The following TOPBP1 variants were observed in gnomAD, a reference collection of about 807,000 sequenced individuals.
The protein encoded by TOPBP1 is DNA topoisomerase II binding protein 1.
Under a neutral mutation model 167.7 loss-of-function variants are expected in TOPBP1, and 28 were observed. The ratio of observed to expected loss-of-function variants is 0.17; its 90% CI spans 0.12 to 0.23. TOPBP1 has a LOEUF of 0.23. TOPBP1 is among the 10% of genes least tolerant of loss of function. The pLI, the probability that TOPBP1 is intolerant of heterozygous loss-of-function variation, is 1.00. For synonymous variants in TOPBP1, 598 were observed against 611.4 expected (o/e 0.98, Z 0.32); for missense variants, 1,554 against 1,809.6 (o/e 0.86, Z 2.56).
chr3:133,634,524 A>C (rs1490702334), intron 14 of TOPBP1, among the ~76,000 whole-genome samples: 1 of 152,176 alleles, frequency 6.6e-6, no homozygotes, highest in African/African-American at 2.4e-5. Flanking sequence ...TTAAAAAAAA[A>C]AGATAAAAGA....
intron 6 of TOPBP1, 106 bp from the exon 7 acceptor site, chr3:133,653,630 T>TA (rs1491277179): frequency 6.7e-5 from 14 of 209,884 alleles, no homozygotes; most frequent in East Asian, 3.1e-4. Flanking sequence ...CAGGTTAATA[T>TA]TTTTTTTTTT....
chr3:133,644,218 T>G lies in TOPBP1; in HGVS notation c.1650A>C (p.Glu550Asp). The G allele has an allele frequency of 6.2e-7, 1 of 1,613,916 alleles. No homozygotes were observed. Among genetic ancestry groups the G allele is most frequent in the Non-Finnish European group, 8.5e-7 (1 of 1,179,846 alleles). ...CVPDVSTITE[E>D]GLFSQKSFLV... is the part of the protein sequence containing the mutation. ...GGAAACTCTTTTGGCTAAATAAGCC[T>G]TCTTCAGTAATTGTAGAAACATCAG... The change falls in exon 11 of 28, where the codon GAA (glutamate) becomes GAC (aspartate). Residue 550 changes from glutamate (E) to aspartate (D), a missense_variant. Glu to Asp is a conservative substitution (Grantham distance 45). Around this residue, in one of 3 missense-constraint regions of TOPBP1, gnomAD observed 1,197 missense variants for 1,351.5 expected, o/e 0.89. Transcript: ENST00000260810.
rs755942620 is a variant in TOPBP1, at chr3:133,638,060, G to A, written c.2336C>T (p.Thr779Ile). 9.9e-6 allele frequency: 16 copies of A among 1,613,886 alleles called. No individual in the cohort carries two copies. In the East Asian group the frequency reaches 3.3e-4, roughly 34 times the overall value. Residue 779 changes from threonine (T) to isoleucine (I), a missense_variant, in exon 14 of 28, where the codon ACA becomes ATA. Around this residue, in one of 3 missense-constraint regions of TOPBP1, gnomAD observed 1,197 missense variants for 1,351.5 expected, o/e 0.89. Transcript: ENST00000260810. ...CTGAAAGCGGTTCATATCTAAAGGTGTAACGACGGTTTTTCTGTGAGTTTG... is the reference window on the plus strand; with the variant it reads ...CTGAAAGCGGTTCATATCTAAAGGTATAACGACGGTTTTTCTGTGAGTTTG... The part of the protein sequence containing the change: ...RLQTHRKTVV[T>I]PLDMNRFQSK...
intron 5 of TOPBP1, among the ~76,000 whole-genome samples, chr3:133,656,458 T>C (rs1470775667): frequency 6.6e-6 from 1 of 152,232 alleles, no homozygotes; most frequent in Non-Finnish European, 1.5e-5. Flanking sequence ...CATTTCCTAC[T>C]CTGTAGCTAA....
At chr3:133,643,711 A>G (rs966300759) in intron 11 of TOPBP1, among the ~76,000 whole-genome samples, 1 of 152,120 alleles carries the variant, frequency 6.6e-6, no homozygotes, top group African/African-American at 2.4e-5. Context: ...AAAAAAATCA[A>G]CAGTGAAATT....
intron 16 of TOPBP1, among the ~76,000 whole-genome samples, chr3:133,626,036 A>C (rs923816352): frequency 8.5e-5 from 13 of 152,196 alleles, no homozygotes; most frequent in African/African-American, 3.1e-4. Context: ...ACAGACTGTC[A>C]GTGGTTGTAG....
chr3:133,639,837 A>C (rs1935832740), intron 13 of TOPBP1, 122 bp downstream of exon 13: 1 of 900,546 alleles, frequency 1.1e-6, no homozygotes, highest in Admixed American at 2.5e-5. Context: ...TGAGACCCTC[A>C]CTGCACCCAA....
intron 4 of TOPBP1, among the ~76,000 whole-genome samples, chr3:133,657,496 C>CT (rs11415856): frequency 0.081 from 12,246 of 150,800 alleles, 510 homozygotes; most frequent in Middle Eastern, 0.13. Context: ...ATTTAGAATC[C>CT]TTTTTTTTAA....
In TOPBP1 at chr3:133,623,352, T is replaced by C. The variant is rs1283938847; in HGVS notation, c.3034A>G (p.Ser1012Gly). Residue 1012 changes from serine to glycine, a missense_variant, in exon 18 of 28, where the codon AGT (serine) becomes GGT (glycine). Transcript: ENST00000260810. The stretch of plus-strand genomic sequence containing the variant: ...GAAGACACAGCTGAGAGTAGTCGAC[T>C]ATTACAGAGCCGGCCATCTTGCACT... ...SAVQDGRLCN[S>G]RLLSAVSSTK... is the part of the protein sequence containing the mutation. 6.2e-7 allele frequency: 1 copy of C among 1,613,742 alleles called. No individual in the cohort carries two copies. The highest frequency in any genetic ancestry group is 1.1e-5 in the South Asian group (1 of 91,018).
intron 19 of TOPBP1, 132 bp from the exon 20 acceptor site, chr3:133,620,479 C>A: frequency 1.1e-6 from 1 of 884,154 alleles, no homozygotes; most frequent in Non-Finnish European, 1.7e-6. Flanking sequence ...TAACTACAGG[C>A]TATAGTAATG....
intron 16 of TOPBP1, among the ~76,000 whole-genome samples, chr3:133,624,412 A>C (rs576418794): frequency 5.9e-4 from 90 of 152,302 alleles, no homozygotes; most frequent in Admixed American, 1.8e-3. Flanking sequence ...GTAGTGTGCT[A>C]TGATCACCCC....
chr3:133,648,666 G>A (rs146348152), intron 10 of TOPBP1, among the ~76,000 whole-genome samples: 9,191 of 152,098 alleles, frequency 0.06, 307 homozygotes, highest in Middle Eastern at 0.13. Flanking sequence ...GGGTGGTGGC[G>A]CATGCCTGTA....
intron 16 of TOPBP1, among the ~76,000 whole-genome samples, chr3:133,625,051 C>T (rs1935221883): frequency 6.6e-6 from 1 of 152,182 alleles, no homozygotes; most frequent in Non-Finnish European, 1.5e-5. Context: ...ACTGCAATCT[C>T]CACCTCCCGG....
intron 8 of TOPBP1, among the ~76,000 whole-genome samples, chr3:133,651,140 A>T (rs1220248304): frequency 9.4e-5 from 1 of 10,672 alleles, no homozygotes; most frequent in Non-Finnish European, 2.4e-4. Flanking sequence ...TGGCAAGTTT[A>T]AAAAAAAAAA....
At chr3:133,637,214 G>A (rs1435336102) in intron 14 of TOPBP1, among the ~76,000 whole-genome samples, 1 of 152,046 alleles carries the variant, frequency 6.6e-6, no homozygotes, top group African/African-American at 2.4e-5. Flanking sequence ...ATAGACAGTG[G>A]GTTTGAACAG....
chr3:133,656,977 A>G, intron 4 of TOPBP1, 120 bp from the exon 5 acceptor site: 1 of 895,878 alleles, frequency 1.1e-6, no homozygotes, highest in Non-Finnish European at 1.5e-6. Flanking sequence ...GTTACATAAC[A>G]TTATAAAGTT....
At chr3:133,608,418 T>C in intron 27 of TOPBP1, 117 bp downstream of exon 27, 1 of 1,136,202 alleles carries the variant, frequency 8.8e-7, no homozygotes, top group East Asian at 2.4e-5. Flanking sequence ...TAGAAGAGAA[T>C]AACAGGAGAC....
chr3:133,639,313 G>A (rs1371468893), intron 13 of TOPBP1, among the ~76,000 whole-genome samples: 1 of 152,134 alleles, frequency 6.6e-6, no homozygotes, highest in Non-Finnish European at 1.5e-5. Flanking sequence ...CCTTTGTCGG[G>A]ACATGGATGA....
At chr3:133,637,681 A>G (rs571788299) in intron 14 of TOPBP1, among the ~76,000 whole-genome samples, 195 bp downstream of exon 14, 39 of 152,336 alleles carry the variant, frequency 2.6e-4, no homozygotes, top group African/African-American at 7.7e-4. Context: ...ATTTCACACC[A>G]TATTTATCTA....
Sources: gnomAD v4.1 joint callset for allele counts (sites outside exome capture counted in the v4.1 genomes callset) on GRCh38, gnomAD v4.1.1 for gene constraint, gnomAD v4.1.1 regional missense constraint, MANE v1.5 for transcripts, NCBI Gene and HGNC (gene_info 2026-07-23, HGNC 2026-07-21) for gene names.